The following PRDM6 variants were observed in gnomAD, a reference collection of about 807,000 sequenced individuals.
PRDM6 encodes PR/SET domain 6, also known as putative histone-lysine N-methyltransferase PRDM6.
Under a neutral mutation model 60.8 loss-of-function variants are expected in PRDM6, and 25 were observed. That is an observed-to-expected ratio of 0.41 (90% CI 0.30 to 0.57). The LOEUF (loss-of-function observed/expected upper bound fraction) is 0.57. Ranked by LOEUF, PRDM6 falls within the 20% of genes least tolerant of loss-of-function variation. PRDM6 has a pLI of 0.27. For missense variants in PRDM6, 839 were observed against 821.3 expected (o/e 1.02, Z -0.26); for synonymous variants, 407 against 357.4 (o/e 1.14, Z -1.57).
intron 5 of PRDM6, among the ~76,000 whole-genome samples, chr5:123,166,817 G>A (rs1489589704): frequency 6.6e-6 from 1 of 152,214 alleles, no homozygotes; most frequent in African/African-American, 2.4e-5. Context: ...ATGCGTTCAT[G>A]TTCTTCCTTG....
At chr5:123,182,339 CT>C (rs1766184013) in intron 7 of PRDM6, among the ~76,000 whole-genome samples, 1 of 152,178 alleles carries the variant, frequency 6.6e-6, no homozygotes, top group African/African-American at 2.4e-5. Context: ...AGCAAGAGAG[CT>C]TTTCAAAAGC....
intron 3 of PRDM6, among the ~76,000 whole-genome samples, chr5:123,126,336 A>G (rs542620765): frequency 1.3e-5 from 2 of 152,184 alleles, no homozygotes; most frequent in East Asian, 3.9e-4. Context: ...CTTAGCATGA[A>G]ATGTCAAAGG....
chr5:123,115,443 C>T (rs1306488912), intron 3 of PRDM6, among the ~76,000 whole-genome samples: 1 of 152,168 alleles, frequency 6.6e-6, no homozygotes, highest in Non-Finnish European at 1.5e-5. Context: ...CACATGGGTG[C>T]AGATACACAT....
intron 3 of PRDM6, among the ~76,000 whole-genome samples, chr5:123,102,816 A>T (rs1168363493): frequency 6.6e-6 from 1 of 152,072 alleles, no homozygotes; most frequent in Non-Finnish European, 1.5e-5. Flanking sequence ...ATGGATTGCT[A>T]ATCTTTTCCT....
rs531746609 is a variant in PRDM6 at position 123,122,420 on chromosome 5, A to T, written c.900+22459A>T. Among the ~76,000 whole-genome samples, 10 of 152,254 alleles carry T rather than the reference A, an allele frequency of 6.6e-5. No homozygotes were observed. The South Asian group carries it at 2.1e-3, about 32-fold the overall frequency. On this transcript the variant is annotated intron_variant, in intron 3 of 7. Transcript: ENST00000407847. ...CTAGTTTATTTATCTTGTGAATGTA[A>T]ACATTTTATTTATTGGATTTCTCTG...
At chr5:123,089,938 C>T in intron 1 of PRDM6, 62 bp from the exon 2 acceptor site, 2 of 1,265,172 alleles carry the variant, frequency 1.6e-6, no homozygotes, top group Non-Finnish European at 2.2e-6. Flanking sequence ...GTCCCAGTGG[C>T]CCTCTTCCCG....
chr5:123,175,107 T>TG (rs35986045), intron 6 of PRDM6, among the ~76,000 whole-genome samples: 1 of 151,940 alleles, frequency 6.6e-6, no homozygotes, highest in Admixed American at 6.6e-5. Context: ...GCACTCCCAT[T>TG]GGGGGCAGTA....
At chr5:123,126,600 G>T (rs879655833) in intron 3 of PRDM6, among the ~76,000 whole-genome samples, 3 of 152,156 alleles carry the variant, frequency 2.0e-5, no homozygotes, top group Non-Finnish European at 4.4e-5. Flanking sequence ...TTTTTAAGAT[G>T]CCAGTAGATT....
Position 123,112,560 on chromosome 5 carries a change from A to G in PRDM6, c.900+12599A>G, listed in dbSNP as rs115676346. ...TTCTTCTTGTTTCAATTGCTCCCCA[A>G]AAGCGATGCTCTCAGATTCAGTATC... On this transcript the variant is annotated intron_variant, in intron 3 of 7. Transcript: ENST00000407847. Among the ~76,000 whole-genome samples the G allele has an allele frequency of 4.5e-3, 679 of 152,274 alleles. 5 individuals are homozygous for G. Among genetic ancestry groups the G allele is most frequent in the South Asian group, 9.3e-3 (45 of 4,820 alleles).
At chr5:123,111,770 C>T (rs1764322459) in intron 3 of PRDM6, among the ~76,000 whole-genome samples, 1 of 152,094 alleles carries the variant, frequency 6.6e-6, no homozygotes, top group African/African-American at 2.4e-5. Context: ...TTGTTTGCCC[C>T]GCTTCCTGCC....
At chr5:123,170,658 C>T in intron 5 of PRDM6, 108 bp from the exon 6 acceptor site, 4 of 844,750 alleles carry the variant, frequency 4.7e-6, no homozygotes, top group Non-Finnish European at 7.3e-6. Context: ...AGTCCAGAAA[C>T]ACAAATTCTT....
chr5:123,122,060 G>A lies in PRDM6; in HGVS notation c.900+22099G>A, dbSNP rs1309711364. ...CGCCTGTAATCCCAGCTACTAGGGA[G>A]GCTGAGGCAGAAGAATCGTGTGAAC... On this transcript the variant is annotated intron_variant, in intron 3 of 7. Transcript: ENST00000407847. Among the ~76,000 whole-genome samples, 3 of 149,386 alleles carry A rather than the reference G, an allele frequency of 2.0e-5. No homozygotes were observed. The Admixed American group carries it at 2.0e-4, about 10-fold the overall frequency.
rs576824054 is a variant in PRDM6 at position 123,167,348 on chromosome 5, G to T, written c.1154-3418G>T. On this transcript the variant is annotated intron_variant, in intron 5 of 7. Transcript: ENST00000407847. ...ACATTCTTTTGTTTTAATATAAAAG[G>T]TTATGTGACCTTAACAATTTTTTAG... 1.3e-4 allele frequency among the ~76,000 whole-genome samples: 20 copies of T among 151,056 alleles called. No homozygotes were observed. In the South Asian group the frequency reaches 3.1e-3, roughly 24 times the overall value.
chr5:123,180,734 C>T (rs1357481996), intron 7 of PRDM6, among the ~76,000 whole-genome samples: 4 of 152,254 alleles, frequency 2.6e-5, no homozygotes, highest in East Asian at 1.9e-4. Flanking sequence ...TTAGAACATC[C>T]GAATAATCCC....
At chr5:123,141,598 T>C (rs751178820) in intron 3 of PRDM6, among the ~76,000 whole-genome samples, 3 of 152,152 alleles carry the variant, frequency 2.0e-5, no homozygotes, top group Non-Finnish European at 2.9e-5. Flanking sequence ...AAGTAACTTA[T>C]CTGAAGTCAC....
chr5:123,127,723 TCTTTCTTTCCTTCTTTC>T (rs1764725187), intron 3 of PRDM6, among the ~76,000 whole-genome samples: 3 of 151,922 alleles, frequency 2.0e-5, no homozygotes, highest in African/African-American at 2.4e-5. Flanking sequence ...TTTCTTTCTT[TCTTTCTTTCCTTCTTTC>T]CTTTCTTTCC....
chr5:123,126,222 T>A (rs1437363978), intron 3 of PRDM6, among the ~76,000 whole-genome samples: 1 of 152,112 alleles, frequency 6.6e-6, no homozygotes, highest in Non-Finnish European at 1.5e-5. Context: ...TCTTCCTCAT[T>A]AATCTGAGGG....
intron 3 of PRDM6, among the ~76,000 whole-genome samples, chr5:123,100,449 C>G (rs867115431): frequency 6.6e-6 from 1 of 152,158 alleles, no homozygotes; most frequent in Non-Finnish European, 1.5e-5. Context: ...GAGGCTGGCC[C>G]CTTTTCTCAG....
intron 3 of PRDM6, among the ~76,000 whole-genome samples, chr5:123,112,674 C>A (rs1214733594): frequency 1.3e-5 from 2 of 151,888 alleles, no homozygotes; most frequent in Admixed American, 6.6e-5. Context: ...AGTTCACTAA[C>A]TGCTGGCACT....
Sources: gnomAD v4.1 joint callset for allele counts (sites outside exome capture counted in the v4.1 genomes callset) on GRCh38, gnomAD v4.1.1 for gene constraint, MANE v1.5 for transcripts, NCBI Gene and HGNC (gene_info 2026-07-23, HGNC 2026-07-21) for gene names.